KCNH1: variants seen among roughly 807,000 people sequenced by gnomAD.
KCNH1 encodes the protein voltage-gated delayed rectifier potassium channel KCNH1.
KCNH1 carries 27 observed loss-of-function variants against 69.2 expected under a neutral mutation model. The observed-to-expected ratio is 0.39, with a 90% confidence interval of 0.29 to 0.54. The LOEUF (loss-of-function observed/expected upper bound fraction) is 0.54. Among genes scored for constraint, KCNH1 ranks in the 20% least tolerant of loss-of-function variants. The pLI is 0.68. For missense variants in KCNH1, 798 were observed against 1,261.6 expected (o/e 0.63, Z 5.57); for synonymous variants, 456 against 487.7 (o/e 0.93, Z 0.86).
intron 7 of KCNH1, among the ~76,000 whole-genome samples, chr1:210,890,947 G>A (rs1686735771): frequency 6.6e-6 from 1 of 152,188 alleles, no homozygotes; most frequent in South Asian, 2.1e-4. Context: ...TGGTGGGAGT[G>A]TAAATTAGTT....
chr1:210,694,471 C>T (rs917507924), intron 10 of KCNH1, among the ~76,000 whole-genome samples: 56 of 152,132 alleles, frequency 3.7e-4, no homozygotes, highest in African/African-American at 1.3e-3. Context: ...AGGCAGTATT[C>T]CCATCCATGC....
chr1:211,080,131 A>C (rs1439081170), intron 5 of KCNH1, among the ~76,000 whole-genome samples: 4 of 152,256 alleles, frequency 2.6e-5, no homozygotes, highest in African/African-American at 9.6e-5. Context: ...CTCAGGATTC[A>C]AAATCAATGT....
At chr1:210,914,088 G>T (rs1361591373) in intron 7 of KCNH1, among the ~76,000 whole-genome samples, 1 of 152,122 alleles carries the variant, frequency 6.6e-6, no homozygotes, top group African/African-American at 2.4e-5. Flanking sequence ...AGAGTAGCCA[G>T]GCCAACCCCA....
At chr1:210,872,263 T>C (rs1686270078) in intron 7 of KCNH1, among the ~76,000 whole-genome samples, 1 of 151,888 alleles carries the variant, frequency 6.6e-6, no homozygotes, top group African/African-American at 2.4e-5. Flanking sequence ...ATAATGATGA[T>C]TAAAATGGTC....
At chr1:210,922,710 A>C (rs1339751376) in intron 6 of KCNH1, among the ~76,000 whole-genome samples, 1 of 152,214 alleles carries the variant, frequency 6.6e-6, no homozygotes, top group African/African-American at 2.4e-5. Context: ...AATGAGGGTA[A>C]ATGGATATCC....
chr1:211,013,299 G>A (rs1038952451), intron 6 of KCNH1, among the ~76,000 whole-genome samples: 2 of 152,190 alleles, frequency 1.3e-5, no homozygotes, highest in Admixed American at 1.3e-4. Context: ...CATTCACCCA[G>A]GAGAGATAAG....
chr1:210,804,928 G>T (rs1169707370), intron 7 of KCNH1, among the ~76,000 whole-genome samples: 1 of 152,080 alleles, frequency 6.6e-6, no homozygotes, highest in Non-Finnish European at 1.5e-5. Context: ...TGCTACTACA[G>T]CTCCCCCTAC....
chr1:210,904,540 G>T (rs1687058966), intron 7 of KCNH1, among the ~76,000 whole-genome samples: 1 of 152,138 alleles, frequency 6.6e-6, no homozygotes, highest in Non-Finnish European at 1.5e-5. Context: ...AATGAAAGGG[G>T]CAGGCTCTGG....
At chr1:211,014,451 G>A (rs1432125930) in intron 6 of KCNH1, among the ~76,000 whole-genome samples, 1 of 152,188 alleles carries the variant, frequency 6.6e-6, no homozygotes, top group Non-Finnish European at 1.5e-5. Flanking sequence ...CGCAAATGTA[G>A]CCCATCTACA....
chr1:210,944,893 C>T (rs1457784764), intron 6 of KCNH1, among the ~76,000 whole-genome samples: 1 of 152,218 alleles, frequency 6.6e-6, no homozygotes, highest in African/African-American at 2.4e-5. Flanking sequence ...TGAAACTCTG[C>T]ACCCATTAAA....
chr1:211,111,239 A>G (rs569721448), intron 1 of KCNH1, among the ~76,000 whole-genome samples: 3 of 152,340 alleles, frequency 2.0e-5, no homozygotes, highest in Admixed American at 1.3e-4. Context: ...GCATACCCTC[A>G]GTCCCTGGTG....
intron 3 of KCNH1, among the ~76,000 whole-genome samples, chr1:211,092,589 TA>T (rs1691071360): frequency 6.6e-6 from 1 of 152,244 alleles, no homozygotes; most frequent in Non-Finnish European, 1.5e-5. Context: ...TTCTACCATA[TA>T]AAAATCACAA....
chr1:210,844,437 T>C (rs1227673985), intron 7 of KCNH1, among the ~76,000 whole-genome samples: 1 of 152,076 alleles, frequency 6.6e-6, no homozygotes, highest in Non-Finnish European at 1.5e-5. Context: ...TCAAAACCGC[T>C]CAACTACATG....
chr1:210,814,211 T>G (rs928472977), intron 7 of KCNH1, among the ~76,000 whole-genome samples: 1 of 152,090 alleles, frequency 6.6e-6, no homozygotes, highest in African/African-American at 2.4e-5. Context: ...AGACAAGAGA[T>G]GCAATTTGGA....
intron 7 of KCNH1, among the ~76,000 whole-genome samples, chr1:210,827,939 G>A (rs1217151850): frequency 6.6e-6 from 1 of 152,140 alleles, no homozygotes; most frequent in Non-Finnish European, 1.5e-5. Context: ...CTCCCAGTAA[G>A]GTTGGTGGAG....
At chr1:210,857,613 T>A (rs1258380150) in intron 7 of KCNH1, among the ~76,000 whole-genome samples, 2 of 152,240 alleles carry the variant, frequency 1.3e-5, no homozygotes, top group Admixed American at 1.3e-4. Context: ...ATTTTAAATA[T>A]CAATATATGC....
rs972378972 is a variant in KCNH1, at chr1:210,681,139, C to T, written c.*2142G>A. On this transcript the variant is annotated 3_prime_UTR_variant, in exon 11 of 11. Transcript: ENST00000271751. ...TGCCTTAAAAGTGGTGGGTCCTAAA[C>T]TTCAGAAGCAGGTTGAGGAGCATGT... 4.0e-5 allele frequency: 6 copies of T among 151,808 alleles called. No individual in the cohort carries two copies. Among genetic ancestry groups the T allele is most frequent in the African/African-American group, 1.5e-4 (6 of 41,234 alleles). 9.4% of individuals were successfully genotyped at this position (151,808 alleles called of 1,614,324 possible). A position where few individuals can be genotyped will look rare whatever the true frequency, so the allele number is the denominator to read the frequency against.
intron 1 of KCNH1, among the ~76,000 whole-genome samples, chr1:211,111,128 A>T (rs1691452432): frequency 6.6e-6 from 1 of 152,180 alleles, no homozygotes; most frequent in Non-Finnish European, 1.5e-5. Context: ...TTTTTTACTT[A>T]CTGAAAAATG....
At chr1:210,949,042 G>C (rs1321506271) in intron 6 of KCNH1, among the ~76,000 whole-genome samples, 2 of 152,124 alleles carry the variant, frequency 1.3e-5, no homozygotes, top group Non-Finnish European at 1.5e-5. Context: ...TGGTGGGTTA[G>C]ATTTGCCCTG....
Sources: gnomAD v4.1 joint callset for allele counts (sites outside exome capture counted in the v4.1 genomes callset) on GRCh38, gnomAD v4.1.1 for gene constraint, MANE v1.5 for transcripts, NCBI Gene and HGNC (gene_info 2026-07-23, HGNC 2026-07-21) for gene names.